The following RUFY2 variants were observed in gnomAD, a reference collection of about 807,000 sequenced individuals.
RUFY2 encodes RUN and FYVE domain-containing protein 2.
In RUFY2, 49 loss-of-function variants were observed where a neutral mutation model predicts 94.4. That is an observed-to-expected ratio of 0.52 (90% CI 0.41 to 0.66). The LOEUF (loss-of-function observed/expected upper bound fraction) is 0.66, where lower values mean the gene tolerates loss of function less well. Among genes scored for constraint, RUFY2 ranks in the 30% least tolerant of loss-of-function variants. The pLI is 0.00. For missense variants in RUFY2, 541 were observed against 692.8 expected (o/e 0.78, Z 2.46); for synonymous variants, 255 against 235.7 (o/e 1.08, Z -0.75).
chr10:68,391,884 C>T (rs113972924), intron 7 of RUFY2, among the ~76,000 whole-genome samples: 9,905 of 148,538 alleles, frequency 0.067, 422 homozygotes, highest in Middle Eastern at 0.11. Context: ...ATCGCTAGAA[C>T]CCTGGGGGCA....
At chr10:68,371,282 C>T (rs1388613506) in intron 13 of RUFY2, among the ~76,000 whole-genome samples, 4 of 151,228 alleles carry the variant, frequency 2.6e-5, no homozygotes, top group Non-Finnish European at 4.4e-5. Context: ...ATTAGCCAGG[C>T]GTGGTGGTAG....
At chr10:68,394,479 T>C in intron 4 of RUFY2, 28 bp from the exon 5 acceptor site, 1 of 1,513,166 alleles carries the variant, frequency 6.6e-7, no homozygotes, top group Non-Finnish European at 9.2e-7. Context: ...ATAAGGACTT[T>C]AAATCACAAA....
intron 8 of RUFY2, 29 bp downstream of exon 8, chr10:68,386,030 A>G (rs1274082352): frequency 3.4e-6 from 5 of 1,465,864 alleles, no homozygotes; most frequent in Non-Finnish European, 1.9e-6. Context: ...CACTAGGTCC[A>G]TGAAATACAT....
chr10:68,384,235 T>A, intron 8 of RUFY2, 83 bp from the exon 9 acceptor site: 3 of 1,432,564 alleles, frequency 2.1e-6, no homozygotes, highest in East Asian at 2.5e-5. Context: ...GCCATAAACA[T>A]CAGAAAATAA....
intron 12 of RUFY2, 174 bp from the exon 13 acceptor site, chr10:68,377,146 T>C: frequency 6.8e-7 from 1 of 1,463,490 alleles, no homozygotes; most frequent in Non-Finnish European, 9.0e-7. Context: ...GTCTAGAAGT[T>C]GTTTTGTGAT....
intron 7 of RUFY2, among the ~76,000 whole-genome samples, chr10:68,391,155 C>T (rs1260972509): frequency 6.7e-6 from 1 of 148,198 alleles, no homozygotes; most frequent in East Asian, 2.0e-4. Context: ...AGGCTGGTCT[C>T]GAACTCCTGA....
At chr10:68,377,477 G>T in intron 12 of RUFY2, 1 of 990,312 alleles carries the variant, frequency 1.0e-6, no homozygotes, top group Non-Finnish European at 1.2e-6. Context: ...CCTTCTTACG[G>T]CATCTTTATG....
chr10:68,374,425 A>AGT (rs1282921768), intron 13 of RUFY2, among the ~76,000 whole-genome samples: 1 of 152,200 alleles, frequency 6.6e-6, no homozygotes. Flanking sequence ...AAGACAAAGA[A>AGT]GTACATCATA....
Position 68,394,151 on chromosome 10 carries a change from GTT to G in RUFY2, c.523-17_523-16del. 6.7e-7 allele frequency: 1 copy of G among 1,482,684 alleles called. No individual in the cohort carries two copies. The highest frequency in any genetic ancestry group is 9.0e-7 in the Non-Finnish European group (1 of 1,108,694). 91.8% of individuals were successfully genotyped at this position (1,482,684 alleles called of 1,614,324 possible). On this transcript the variant is annotated splice_polypyrimidine_tract_variant and intron_variant, in intron 5 of 17. Coordinates refer to ENST00000602465, the MANE Select transcript of RUFY2 (RefSeq NM_001330103.2). ...ATCACTCCAACCTGAAGTAAATAAA[GTT>G]TTTTTTAATTTAAAGGGGAGAAAAT...
At chr10:68,380,269 C>T (rs1287321948) in intron 11 of RUFY2, among the ~76,000 whole-genome samples, 1 of 151,782 alleles carries the variant, frequency 6.6e-6, no homozygotes, top group Non-Finnish European at 1.5e-5. Context: ...ATGTAATAGG[C>T]CGGGTGCAGT....
intron 12 of RUFY2, chr10:68,377,469 T>C (rs1023137471): frequency 7.2e-5 from 71 of 992,036 alleles, no homozygotes; most frequent in Non-Finnish European, 8.3e-5. Flanking sequence ...AGCCAAGTCC[T>C]TCTTACGGCA....
At chr10:68,390,973 C>T (rs956128016) in intron 7 of RUFY2, among the ~76,000 whole-genome samples, 1 of 142,000 alleles carries the variant, frequency 7.0e-6, no homozygotes, top group African/African-American at 2.6e-5. Flanking sequence ...CTCGTTACGT[C>T]GCCCAGGCTG....
chr10:68,404,900 A>T, intron 1 of RUFY2, 56 bp from the exon 2 acceptor site: 1 of 1,382,594 alleles, frequency 7.2e-7, no homozygotes, highest in Non-Finnish European at 9.8e-7. Flanking sequence ...AATGAAAAAT[A>T]TACAAACCAT....
At chr10:68,352,040 G>A (rs1298911432) in intron 16 of RUFY2, among the ~76,000 whole-genome samples, 1 of 148,500 alleles carries the variant, frequency 6.7e-6, no homozygotes, top group Non-Finnish European at 1.5e-5. Flanking sequence ...CTTGGTGTCA[G>A]AGCAAGACTG....
chr10:68,346,084 C>T lies in RUFY2; in HGVS notation c.1600G>A (p.Gly534Arg). ...DIKEANKALQGLVWLKDKEAT... is the reference protein window; with the variant it reads ...DIKEANKALQRLVWLKDKEAT... ...TCTTTGTCTTTCAGCCAAACCAGTC[C>T]CTAGTAGGAAGAAAATATTAATGCT... The change falls in exon 17 of 18, where the codon GGA becomes AGA. Residue 534 changes from glycine (G) to arginine (R), a missense_variant and splice_region_variant. Transcript: ENST00000602465. 6.2e-7 allele frequency: 1 copy of T among 1,606,274 alleles called. No individual in the cohort carries two copies. Among genetic ancestry groups the T allele is most frequent in the African/African-American group, 1.3e-5 (1 of 74,464 alleles).
chr10:68,394,414 C>A lies in RUFY2; in HGVS notation c.436G>T (p.Glu146Ter). The A allele has an allele frequency of 6.2e-7, 1 of 1,613,660 alleles. No individual in the cohort carries two copies. The change falls in exon 5 of 18, where the codon GAA becomes TAA. Residue 146 changes from glutamate (E) to a stop codon, truncating the protein, a stop_gained. Transcript: ENST00000602465. LOFTEE classifies it high-confidence loss of function. ...AGCAGCCCAACAATTACTGCTCCTT[C>A]TTCTTCCATCATTAGTGCGTGATAC... is the stretch of plus-strand genomic sequence containing the variant. ...YEYHALMMEE[E>*]GAVIVGLLVG...
chr10:68,402,391 T>C (rs2050917310), intron 2 of RUFY2, among the ~76,000 whole-genome samples: 1 of 152,162 alleles, frequency 6.6e-6, no homozygotes, highest in Non-Finnish European at 1.5e-5. Flanking sequence ...CCAGATCTCC[T>C]GCAAATACAG....
chr10:68,386,167 C>A (rs373427312), intron 7 of RUFY2, 39 bp from the exon 8 acceptor site: 14 of 1,559,982 alleles, frequency 9.0e-6, no homozygotes, highest in African/African-American at 5.5e-5. Flanking sequence ...CAAAATCACA[C>A]GAACTCAAAA....
chr10:68,381,950 T>C (rs1023607734), intron 10 of RUFY2, among the ~76,000 whole-genome samples: 1 of 152,260 alleles, frequency 6.6e-6, no homozygotes, highest in Non-Finnish European at 1.5e-5. Context: ...TTAATCATTT[T>C]TATGCTTCAT....
Sources: gnomAD v4.1 joint callset for allele counts (sites outside exome capture counted in the v4.1 genomes callset) on GRCh38, gnomAD v4.1.1 for gene constraint, MANE v1.5 for transcripts, NCBI Gene and HGNC (gene_info 2026-07-23, HGNC 2026-07-21) for gene names.